RIT2: variants seen among roughly 807,000 people sequenced by gnomAD.
RIT2 encodes the protein Ras like without CAAX 2.
A neutral mutation model predicts 23.7 loss-of-function variants in RIT2; 24 were observed. The ratio of observed to expected loss-of-function variants is 1.01; its 90% CI spans 0.73 to 1.43. The LOEUF is 1.43. Among genes scored for constraint, RIT2 ranks in the 40% most tolerant of loss-of-function variants. The pLI, the probability that RIT2 is intolerant of heterozygous loss-of-function variation, is 0.00. For missense variants in RIT2, 236 were observed against 266.9 expected (o/e 0.88, Z 0.81); for synonymous variants, 107 against 91.1 (o/e 1.17, Z -0.99).
chr18:43,045,249 C>T (rs1451595986), intron 1 of RIT2, among the ~76,000 whole-genome samples: 1 of 152,124 alleles, frequency 6.6e-6, no homozygotes, highest in African/African-American at 2.4e-5. Flanking sequence ...GTCTCATCTA[C>T]ATGAATGGGT....
At chr18:43,111,197 A>T (rs1173191288) in intron 1 of RIT2, among the ~76,000 whole-genome samples, 1 of 152,192 alleles carries the variant, frequency 6.6e-6, no homozygotes, top group African/African-American at 2.4e-5. Context: ...TAAGCCAGAC[A>T]CAGAAAGACA....
At chr18:42,887,353 C>T (rs925088371) in intron 4 of RIT2, among the ~76,000 whole-genome samples, 1 of 152,074 alleles carries the variant, frequency 6.6e-6, no homozygotes, top group Non-Finnish European at 1.5e-5. Context: ...TATACTGGTA[C>T]AATGATTTGC....
intron 1 of RIT2, among the ~76,000 whole-genome samples, chr18:43,038,770 CTCT>C (rs1391875985): frequency 1.2e-4 from 19 of 152,200 alleles, no homozygotes; most frequent in African/African-American, 4.3e-4. Flanking sequence ...AGTTGATTCC[CTCT>C]TCTTTTTTCT....
chr18:42,877,520 C>CTATATATATATATATATATA (rs144405918), intron 4 of RIT2, among the ~76,000 whole-genome samples: 3 of 143,748 alleles, frequency 2.1e-5, no homozygotes, highest in African/African-American at 7.6e-5. Flanking sequence ...TTTGTATACA[C>CTATATATATATATATATATA]TATATATATA....
At chr18:43,064,978 G>A (rs572085291) in intron 1 of RIT2, among the ~76,000 whole-genome samples, 10 of 151,766 alleles carry the variant, frequency 6.6e-5, no homozygotes, top group Admixed American at 1.3e-4. Context: ...CACCATGCCC[G>A]GCTAATTTTT....
chr18:43,067,168 G>A (rs958959563), intron 1 of RIT2, among the ~76,000 whole-genome samples: 1 of 151,902 alleles, frequency 6.6e-6, no homozygotes, highest in Admixed American at 6.6e-5. Flanking sequence ...ATATTCAAAA[G>A]GTAAAACTAG....
intron 4 of RIT2, among the ~76,000 whole-genome samples, chr18:42,789,601 G>A (rs1913996664): frequency 6.6e-6 from 1 of 152,072 alleles, no homozygotes; most frequent in African/African-American, 2.4e-5. Context: ...AAATGGGATT[G>A]TCTTCTTTAT....
At chr18:42,779,172 C>A (rs1340241370) in intron 4 of RIT2, among the ~76,000 whole-genome samples, 1 of 152,116 alleles carries the variant, frequency 6.6e-6, no homozygotes, top group African/African-American at 2.4e-5. Context: ...GCCTAGAGAC[C>A]CCTGACCTCC....
chr18:42,895,252 A>T (rs1908293035), intron 4 of RIT2, among the ~76,000 whole-genome samples: 1 of 152,092 alleles, frequency 6.6e-6, no homozygotes, highest in African/African-American at 2.4e-5. Flanking sequence ...CTCAATTATA[A>T]CCTTTGCACA....
At chr18:43,063,110 C>T (rs1391672361) in intron 1 of RIT2, among the ~76,000 whole-genome samples, 2 of 152,116 alleles carry the variant, frequency 1.3e-5, no homozygotes, top group Admixed American at 6.6e-5. Flanking sequence ...GATTAAATTA[C>T]AGCTGGACTC....
chr18:42,820,101 T>G (rs1006315505), intron 4 of RIT2, among the ~76,000 whole-genome samples: 10 of 152,150 alleles, frequency 6.6e-5, no homozygotes, highest in Admixed American at 2.0e-4. Flanking sequence ...TTGGAACTTC[T>G]GGAAATTATT....
intron 1 of RIT2, among the ~76,000 whole-genome samples, chr18:43,089,251 G>A (rs898494273): frequency 6.6e-6 from 1 of 151,950 alleles, no homozygotes; most frequent in Admixed American, 6.6e-5. Context: ...CAAAGTCTCA[G>A]GATACAAAAT....
At chr18:42,758,823 C>A (rs997790399) in intron 4 of RIT2, among the ~76,000 whole-genome samples, 3 of 151,900 alleles carry the variant, frequency 2.0e-5, no homozygotes, top group Admixed American at 2.0e-4. Flanking sequence ...GCCTGATTAC[C>A]CTTTCTGAAT....
chr18:42,755,763 A>G (rs1335888516), intron 4 of RIT2, among the ~76,000 whole-genome samples: 1 of 152,186 alleles, frequency 6.6e-6, no homozygotes, highest in Non-Finnish European at 1.5e-5. Flanking sequence ...TGAGGCTACA[A>G]TAAACAGAGG....
intron 4 of RIT2, among the ~76,000 whole-genome samples, chr18:42,809,951 C>CATAATTTGTATATGTTATAT (rs1039650551): frequency 7.3e-6 from 1 of 136,190 alleles, no homozygotes; most frequent in Non-Finnish European, 1.6e-5. Flanking sequence ...ATATGATATA[C>CATAATTTGTATATGTTATAT]ATAATTTGTA....
At chr18:42,866,829 A>T (rs546787826) in intron 4 of RIT2, among the ~76,000 whole-genome samples, 1 of 152,058 alleles carries the variant, frequency 6.6e-6, no homozygotes, top group Non-Finnish European at 1.5e-5. Flanking sequence ...TTGTATTTAA[A>T]CATCTTTAGA....
At chr18:43,102,812 G>A (rs944501050) in intron 1 of RIT2, among the ~76,000 whole-genome samples, 1 of 151,726 alleles carries the variant, frequency 6.6e-6, no homozygotes, top group African/African-American at 2.4e-5. Flanking sequence ...CACCACCAGA[G>A]CCGGATAATT....
At position 42,783,310 on chromosome 18, in the gene RIT2, G is replaced by A. The variant is rs371218045; in HGVS notation, c.427-39590C>T. Among the ~76,000 whole-genome samples the A allele has an allele frequency of 1.0e-3, 157 of 152,140 alleles. 3 individuals are homozygous for A. The South Asian group carries it at 0.031, about 30-fold the overall frequency. ...ATATGTGGGCAGAAATGGACAGGCA[G>A]AAAGTGGTGATGGAGAAATTAGGGC... On this transcript the variant is annotated intron_variant, in intron 4 of 4. Transcript: ENST00000326695.
Position 42,917,825 on chromosome 18 carries a change from C to G in RIT2, c.426+5747G>C, listed in dbSNP as rs991954747. On this transcript the variant is annotated intron_variant, in intron 4 of 4. Coordinates refer to ENST00000326695, the MANE Select transcript of RIT2 (RefSeq NM_002930.4). Reference sequence around the variant, plus strand: ...TGTTCTGTCTGGAATGCTCTTCACCCAAATCCTCCCCACACTCCGGAGTTG... The same window carrying G: ...TGTTCTGTCTGGAATGCTCTTCACCGAAATCCTCCCCACACTCCGGAGTTG... Among the ~76,000 whole-genome samples the G allele has an allele frequency of 3.3e-5, 5 of 152,090 alleles. No homozygotes were observed. The East Asian group carries it at 9.7e-4, about 29-fold the overall frequency.
Sources: allele counts gnomAD v4.1 joint callset (sites outside exome capture counted in the v4.1 genomes callset), GRCh38; gene constraint gnomAD v4.1.1; transcripts MANE v1.5; gene names NCBI Gene and HGNC (gene_info 2026-07-23, HGNC 2026-07-21).